The following PDK3 variants were observed in gnomAD, a reference collection of about 807,000 sequenced individuals.
The protein encoded by PDK3 is pyruvate dehydrogenase kinase, isozyme 3.
In PDK3, 12 loss-of-function variants were observed where a neutral mutation model predicts 32.0. That is an observed-to-expected ratio of 0.37 (90% CI 0.24 to 0.61). The LOEUF (loss-of-function observed/expected upper bound fraction) is 0.61, where lower values mean the gene tolerates loss of function less well. Ranked by LOEUF, PDK3 falls within the 20% of genes least tolerant of loss-of-function variation. The pLI is 0.65. For missense variants in PDK3, 188 were observed against 316.9 expected (o/e 0.59, Z 3.09); for synonymous variants, 122 against 116.3 (o/e 1.05, Z -0.31).
At chrX:24,515,349 G>A (rs769668840) in intron 5 of PDK3, among the ~76,000 whole-genome samples, 1 of 112,259 alleles carries the variant, frequency 8.9e-6, no homozygotes, top group East Asian at 2.8e-4. Flanking sequence ...GGCTGCTTCT[G>A]TCTAGGCTTG....
rs1483716771 is a variant in PDK3 at position 24,481,323 on chromosome X, G to A, written c.107-13419G>A. On this transcript the variant is annotated intron_variant, in intron 1 of 10. Transcript: ENST00000379162. Reference sequence around the variant, plus strand: ...TGGGATTACAGGCGTGAGCCACCGCGCCTGGCCCCTTTTTCTTGACTTCCA... The same window carrying A: ...TGGGATTACAGGCGTGAGCCACCGCACCTGGCCCCTTTTTCTTGACTTCCA... 5.3e-5 allele frequency among the ~76,000 whole-genome samples: 6 copies of A among 112,264 alleles called. No individual in the cohort carries two copies. In the East Asian group the frequency reaches 1.1e-3, roughly 21 times the overall value.
intron 10 of PDK3, among the ~76,000 whole-genome samples, 182 bp downstream of exon 10, chrX:24,531,952 C>T (rs1038307686): frequency 5.4e-5 from 6 of 111,882 alleles, no homozygotes; most frequent in Admixed American, 9.5e-5. Flanking sequence ...AAATATGAAA[C>T]GTGGAGGTAT....
At chrX:24,478,821 AC>A (rs1921176905) in intron 1 of PDK3, among the ~76,000 whole-genome samples, 1 of 111,904 alleles carries the variant, frequency 8.9e-6, no homozygotes, top group Non-Finnish European at 1.9e-5. Context: ...TCATTCTTGG[AC>A]TTGATCTATG....
At chrX:24,510,527 A>G (rs1260149554) in intron 5 of PDK3, among the ~76,000 whole-genome samples, 2 of 112,542 alleles carry the variant, frequency 1.8e-5, no homozygotes, top group Non-Finnish European at 3.7e-5. Flanking sequence ...ATTTGAACTC[A>G]TATCAGATTT....
intron 2 of PDK3, among the ~76,000 whole-genome samples, chrX:24,496,863 G>A (rs1602111225): frequency 1.1e-5 from 1 of 88,285 alleles, no homozygotes; most frequent in African/African-American, 4.5e-5. Context: ...CTCACTGCAA[G>A]CTCCGCCTCC....
At chrX:24,468,708 A>G (rs1569216724) in intron 1 of PDK3, among the ~76,000 whole-genome samples, 1 of 112,549 alleles carries the variant, frequency 8.9e-6, no homozygotes, top group Non-Finnish European at 1.9e-5. Context: ...TTTTAAAATA[A>G]TGAAAGTTTC....
At chrX:24,514,541 T>C (rs757696062) in intron 5 of PDK3, among the ~76,000 whole-genome samples, 129 of 112,297 alleles carry the variant, frequency 1.1e-3, no homozygotes, top group Non-Finnish European at 1.2e-3. Flanking sequence ...TAGAAAAGTT[T>C]GATTAGAAAG....
chrX:24,470,401 A>G lies in PDK3; in HGVS notation c.106+4840A>G, dbSNP rs768455827. Among the ~76,000 whole-genome samples, 8 of 111,377 alleles carry G rather than the reference A, an allele frequency of 7.2e-5. No homozygotes were observed. In the South Asian group the frequency reaches 3.0e-3, roughly 42 times the overall value. On this transcript the variant is annotated intron_variant, in intron 1 of 10. Transcript: ENST00000379162. ...ATATATTTTTCTTGAAAATTATCCT[A>G]CTTGGCTAGGCGCGGTGGCTCATGC...
chrX:24,482,245 C>T (rs759640006), intron 1 of PDK3, among the ~76,000 whole-genome samples: 1 of 111,830 alleles, frequency 8.9e-6, no homozygotes, highest in East Asian at 2.8e-4. Flanking sequence ...GAGTGTTCCT[C>T]TGTCGTCCAG....
chrX:24,468,133 A>G (rs929292), intron 1 of PDK3, among the ~76,000 whole-genome samples: 51,745 of 110,747 alleles, frequency 0.47, 9,825 homozygotes, highest in African/African-American at 0.73. Context: ...TACAACCTTG[A>G]TAAATAGGCT....
chrX:24,506,753 T>C (rs1921986978), intron 5 of PDK3, among the ~76,000 whole-genome samples: 1 of 108,733 alleles, frequency 9.2e-6, no homozygotes, highest in Non-Finnish European at 1.9e-5. Flanking sequence ...CACAGAGTTG[T>C]GCAACCATCA....
At chrX:24,473,444 T>TTTATTTATTTAC (rs1921027004) in intron 1 of PDK3, among the ~76,000 whole-genome samples, 2 of 109,791 alleles carry the variant, frequency 1.8e-5, no homozygotes, top group Non-Finnish European at 1.9e-5. Flanking sequence ...TATTTATTTA[T>TTTATTTATTTAC]TTACTTATTT....
At chrX:24,546,917 A>G (rs1190436121) in exon 12 of PDK3, 12 of 112,933 alleles carry the variant, frequency 1.1e-4, no homozygotes, top group Non-Finnish European at 5.6e-5. Flanking sequence ...CCTGCATTAA[A>G]AGAAAGCAGC....
chrX:24,481,234 A>C (rs1321670410), intron 1 of PDK3, among the ~76,000 whole-genome samples: 3 of 110,487 alleles, frequency 2.7e-5, no homozygotes, highest in Non-Finnish European at 5.7e-5. Flanking sequence ...TAGTAGAGAC[A>C]GGGTTTCACC....
intron 1 of PDK3, among the ~76,000 whole-genome samples, chrX:24,468,986 TTGTC>T (rs1920968099): frequency 8.9e-6 from 1 of 111,905 alleles, no homozygotes; most frequent in Non-Finnish European, 1.9e-5. Flanking sequence ...GTTTATAGCT[TTGTC>T]TGTTCCTTGT....
At chrX:24,540,940 C>T (rs1276438347) in exon 12 of PDK3, among the ~76,000 whole-genome samples, 2 of 63,736 alleles carry the variant, frequency 3.1e-5, no homozygotes, top group Non-Finnish European at 5.4e-5. Context: ...GACACAGTTT[C>T]ACTCTGTCCC....
At chrX:24,491,675 C>G (rs1479545177) in intron 1 of PDK3, among the ~76,000 whole-genome samples, 1 of 111,532 alleles carries the variant, frequency 9.0e-6, no homozygotes, top group African/African-American at 3.3e-5. Context: ...GGACTCAGAG[C>G]CGGGCACGGT....
At chrX:24,478,159 T>C (rs1006839119) in intron 1 of PDK3, among the ~76,000 whole-genome samples, 1 of 111,610 alleles carries the variant, frequency 9.0e-6, no homozygotes, top group Admixed American at 9.5e-5. Context: ...GAAACTGGCA[T>C]TGAGGCCGGG....
At chrX:24,522,380 A>G (rs1218680685) in intron 6 of PDK3, among the ~76,000 whole-genome samples, 2 of 111,770 alleles carry the variant, frequency 1.8e-5, no homozygotes, top group Non-Finnish European at 3.8e-5. Flanking sequence ...TCTAAACTGT[A>G]ATGTTCCCAA....
Sources: gnomAD v4.1 joint callset for allele counts (sites outside exome capture counted in the v4.1 genomes callset) on GRCh38, gnomAD v4.1.1 for gene constraint, MANE v1.5 for transcripts, NCBI Gene and HGNC (gene_info 2026-07-23, HGNC 2026-07-21) for gene names.